Variants in SLC24A4 observed in about 807,000 individuals in gnomAD.
SLC24A4 encodes sodium/potassium/calcium exchanger 4.
SLC24A4 carries 53 observed loss-of-function variants against 79.0 expected under a neutral mutation model. The observed-to-expected ratio is 0.67, with a 90% CI of 0.54 to 0.84. The LOEUF is 0.84. Among genes scored for constraint, SLC24A4 ranks in the 40% least tolerant of loss-of-function variants. The pLI is 0.00. For synonymous variants in SLC24A4, 323 were observed against 323.8 expected (o/e 1.00, Z 0.03); for missense variants, 731 against 822.0 (o/e 0.89, Z 1.35).
At chr14:92,385,364 G>A (rs8015234) in intron 2 of SLC24A4, among the ~76,000 whole-genome samples, 20,412 of 151,926 alleles carry the variant, frequency 0.13, 1,704 homozygotes, top group African/African-American at 0.24. Context: ...AATTAACTGG[G>A]CGTGTGCGTG....
chr14:92,415,046 G>A (rs777380759), intron 2 of SLC24A4, among the ~76,000 whole-genome samples: 3 of 151,658 alleles, frequency 2.0e-5, no homozygotes, highest in Non-Finnish European at 4.4e-5. Flanking sequence ...GGATGGTGTT[G>A]GACTCATGGT....
chr14:92,476,795 CTATCAATA>C (rs1333022157), intron 12 of SLC24A4, among the ~76,000 whole-genome samples: 2 of 152,152 alleles, frequency 1.3e-5, no homozygotes, highest in African/African-American at 4.8e-5. Flanking sequence ...TAAATAGAAT[CTATCAATA>C]TATGGCCTTT....
At chr14:92,344,519 T>C (rs1282895313) in intron 2 of SLC24A4, among the ~76,000 whole-genome samples, 1 of 152,190 alleles carries the variant, frequency 6.6e-6, no homozygotes, top group Non-Finnish European at 1.5e-5. Context: ...TTGCATTTTT[T>C]ATCGAGGCAG....
chr14:92,440,518 C>A (rs1326406832), intron 4 of SLC24A4, among the ~76,000 whole-genome samples: 2 of 152,036 alleles, frequency 1.3e-5, no homozygotes, highest in Non-Finnish European at 1.5e-5. Flanking sequence ...TAGGACCCAC[C>A]CGCTAGGCTG....
intron 12 of SLC24A4, among the ~76,000 whole-genome samples, chr14:92,475,979 G>T (rs1274320909): frequency 1.3e-5 from 2 of 152,226 alleles, no homozygotes; most frequent in African/African-American, 2.4e-5. Context: ...ATGGTGGGCC[G>T]TGACACTGGC....
chr14:92,401,479 G>A (rs1295680922), intron 2 of SLC24A4, among the ~76,000 whole-genome samples: 1 of 152,152 alleles, frequency 6.6e-6, no homozygotes, highest in Non-Finnish European at 1.5e-5. Flanking sequence ...AGTACATCAT[G>A]ATAATGGCCA....
chr14:92,483,295 G>A (rs138750055), intron 13 of SLC24A4, among the ~76,000 whole-genome samples: 121 of 152,282 alleles, frequency 7.9e-4, no homozygotes, highest in African/African-American at 2.8e-3. Flanking sequence ...TGCTGGTGCT[G>A]GTTTAAGCCC....
chr14:92,430,702 C>T (rs903138675), intron 2 of SLC24A4, among the ~76,000 whole-genome samples: 1 of 152,214 alleles, frequency 6.6e-6, no homozygotes, highest in Admixed American at 6.5e-5. Context: ...TGGCTTCCCT[C>T]CTGTCCCTCC....
intron 2 of SLC24A4, among the ~76,000 whole-genome samples, chr14:92,404,433 T>C (rs138248865): frequency 3.9e-5 from 6 of 152,310 alleles, no homozygotes; most frequent in African/African-American, 1.2e-4. Flanking sequence ...CCCAGCAGTC[T>C]ACCTCTCCTG....
chr14:92,386,408 A>G (rs1464881852), intron 2 of SLC24A4, among the ~76,000 whole-genome samples: 1 of 152,030 alleles, frequency 6.6e-6, no homozygotes, highest in African/African-American at 2.4e-5. Flanking sequence ...AATGCACATA[A>G]AGTACTTGAC....
intron 2 of SLC24A4, among the ~76,000 whole-genome samples, chr14:92,363,859 A>G (rs760662257): frequency 2.0e-5 from 3 of 151,744 alleles, no homozygotes; most frequent in Non-Finnish European, 1.5e-5. Context: ...GAAAAAGAAA[A>G]CAATCTCAGC....
chr14:92,419,948 A>G (rs908874652), intron 2 of SLC24A4, among the ~76,000 whole-genome samples: 1 of 152,204 alleles, frequency 6.6e-6, no homozygotes, highest in Non-Finnish European at 1.5e-5. Context: ...CTCTAAATTC[A>G]GTCACTGGTG....
intron 2 of SLC24A4, among the ~76,000 whole-genome samples, chr14:92,392,900 T>TA (rs1413800243): frequency 1.3e-5 from 2 of 151,892 alleles, no homozygotes; most frequent in African/African-American, 4.8e-5. Flanking sequence ...TGAGGTCACA[T>TA]AGGAGGCATC....
At chr14:92,338,255 A>G (rs1462427576) in intron 2 of SLC24A4, among the ~76,000 whole-genome samples, 1 of 152,170 alleles carries the variant, frequency 6.6e-6, no homozygotes, top group African/African-American at 2.4e-5. Context: ...CTGAGCCTTA[A>G]TTCCTGTCTG....
chr14:92,346,610 A>G (rs1310803746), intron 2 of SLC24A4, among the ~76,000 whole-genome samples: 2 of 152,224 alleles, frequency 1.3e-5, no homozygotes, highest in Non-Finnish European at 2.9e-5. Context: ...TATTGCAGTA[A>G]TAGCTGCTTG....
At chr14:92,471,310 G>A (rs1039945714) in intron 12 of SLC24A4, among the ~76,000 whole-genome samples, 2 of 152,070 alleles carry the variant, frequency 1.3e-5, no homozygotes, top group Non-Finnish European at 2.9e-5. Context: ...CTCATACTAC[G>A]GAGTCTCCTT....
At chr14:92,337,625 T>C (rs1014831237) in intron 2 of SLC24A4, among the ~76,000 whole-genome samples, 1 of 152,212 alleles carries the variant, frequency 6.6e-6, no homozygotes, top group Non-Finnish European at 1.5e-5. Context: ...GGCCTTGAAC[T>C]AGTGATCTTG....
intron 12 of SLC24A4, among the ~76,000 whole-genome samples, chr14:92,474,843 G>GTGTGTATATATATATATA (rs779007741): frequency 4.2e-5 from 1 of 23,882 alleles, no homozygotes; most frequent in African/African-American, 9.8e-5. Flanking sequence ...GTGTGTGTGT[G>GTGTGTATATATATATATA]TATATATATA....
chr14:92,492,308 CT>C, intron 16 of SLC24A4, 68 bp downstream of exon 16: 1 of 1,453,392 alleles, frequency 6.9e-7, no homozygotes, highest in Non-Finnish European at 9.6e-7. Context: ...CGCCTCGTCA[CT>C]TACGTGACTC....
Sources: gnomAD v4.1 joint callset for allele counts (sites outside exome capture counted in the v4.1 genomes callset) on GRCh38, gnomAD v4.1.1 for gene constraint, MANE v1.5 for transcripts, NCBI Gene and HGNC (gene_info 2026-07-23, HGNC 2026-07-21) for gene names.